The following RANBP2 variants were observed in gnomAD, a reference collection of about 807,000 sequenced individuals.
The protein encoded by RANBP2 is RAN binding protein 2, also known as E3 SUMO-protein ligase RanBP2.
A neutral mutation model predicts 303.6 loss-of-function variants in RANBP2; 57 were observed. That is an observed-to-expected ratio of 0.19 (90% CI 0.15 to 0.23). The LOEUF (loss-of-function observed/expected upper bound fraction) is 0.23. Among genes scored for constraint, RANBP2 ranks in the 10% least tolerant of loss-of-function variants. The probability of loss-of-function intolerance (pLI) is 1.00; values close to 1 mark genes in which losing one functional copy is unlikely to be tolerated. For synonymous variants in RANBP2, 1,167 were observed against 1,301.5 expected (o/e 0.90, Z 2.23); for missense variants, 3,138 against 3,780.8 (o/e 0.83, Z 4.46).
the RANBP2 span, among the ~76,000 whole-genome samples, chr2:109,511,350 A>G: frequency 1.3e-5 from 2 of 152,222 alleles, no homozygotes; most frequent in Non-Finnish European, 2.9e-5. Flanking sequence ...TGACAGCACC[A>G]GGTGGCCCAG....
At chr2:109,154,935 C>T in the RANBP2 span, among the ~76,000 whole-genome samples, 2 of 152,174 alleles carry the variant, frequency 1.3e-5, no homozygotes, top group Non-Finnish European at 2.9e-5. Context: ...TTCCAAATCA[C>T]GACTTGTCAA....
chr2:109,278,825 C>T, the RANBP2 span, among the ~76,000 whole-genome samples: 7 of 152,138 alleles, frequency 4.6e-5, no homozygotes, highest in African/African-American at 1.4e-4. Context: ...TCGGCCAAGG[C>T]AAATCGTGGG....
chr2:108,785,607 A>G lies in RANBP2; in HGVS notation c.*1706A>G, dbSNP rs1369710099. The G allele has an allele frequency of 2.6e-5, 4 of 152,366 alleles. No individual in the cohort carries two copies. The East Asian group carries it at 7.7e-4, about 29-fold the overall frequency. The allele number at this position is 152,366 out of a possible 1,614,324, so 9.4% of individuals were successfully genotyped here. On this transcript the variant is annotated 3_prime_UTR_variant, in exon 29 of 29. Coordinates refer to ENST00000283195, the MANE Select transcript of RANBP2 (RefSeq NM_006267.5). Reference sequence around the variant, plus strand: ...GTAAACTGACTTTTCCCGTATTAGTATTCCAAAGATGCTTAAAAGTGGCTT... The same window carrying G: ...GTAAACTGACTTTTCCCGTATTAGTGTTCCAAAGATGCTTAAAAGTGGCTT...
At chr2:109,646,401 C>T in the RANBP2 span, among the ~76,000 whole-genome samples, 16 of 152,150 alleles carry the variant, frequency 1.1e-4, no homozygotes, top group Admixed American at 1.0e-3. Context: ...CAGACAGGCT[C>T]TGACTGCATC....
chr2:108,988,786 C>G, the RANBP2 span, among the ~76,000 whole-genome samples: 1 of 152,202 alleles, frequency 6.6e-6, no homozygotes, highest in Non-Finnish European at 1.5e-5. Flanking sequence ...GGAACAATCT[C>G]AGGTCTTAGA....
At chr2:109,012,704 G>A in the RANBP2 span, among the ~76,000 whole-genome samples, 2 of 152,184 alleles carry the variant, frequency 1.3e-5, no homozygotes, top group Non-Finnish European at 2.9e-5. Flanking sequence ...CACGAGGTCA[G>A]GAGATCGAGA....
At chr2:109,203,347 A>G in the RANBP2 span, among the ~76,000 whole-genome samples, 2 of 152,180 alleles carry the variant, frequency 1.3e-5, no homozygotes, top group Non-Finnish European at 2.9e-5. Flanking sequence ...GGAGCTTGCT[A>G]GTCCTTATGC....
chr2:109,293,902 GAGT>G, the RANBP2 span, among the ~76,000 whole-genome samples: 4 of 152,172 alleles, frequency 2.6e-5, no homozygotes, highest in Non-Finnish European at 4.4e-5. Context: ...GCTTGTTGCC[GAGT>G]AGCCCTGACT....
the RANBP2 span, among the ~76,000 whole-genome samples, chr2:109,424,739 G>A: frequency 4.8e-4 from 73 of 152,202 alleles, 1 homozygote; most frequent in Non-Finnish European, 7.8e-4. Context: ...ATGTTCTGAC[G>A]GCTCCACGGA....
At chr2:108,986,017 T>C in the RANBP2 span, among the ~76,000 whole-genome samples, 41 of 152,312 alleles carry the variant, frequency 2.7e-4, no homozygotes, top group African/African-American at 7.7e-4. Flanking sequence ...GCTTTTTTCA[T>C]AGCTTTGACT....
At chr2:109,315,725 C>T in the RANBP2 span, among the ~76,000 whole-genome samples, 1 of 152,218 alleles carries the variant, frequency 6.6e-6, no homozygotes, top group African/African-American at 2.4e-5. Context: ...CTCTGGGGCT[C>T]TTTCATCTCA....
chr2:109,187,806 C>G, the RANBP2 span, among the ~76,000 whole-genome samples: 4 of 152,230 alleles, frequency 2.6e-5, no homozygotes, highest in Non-Finnish European at 5.9e-5. Flanking sequence ...TTCCCTCTGA[C>G]ACCATCCTCT....
chr2:108,975,986 C>T, the RANBP2 span, among the ~76,000 whole-genome samples: 16 of 152,120 alleles, frequency 1.1e-4, no homozygotes, highest in South Asian at 4.2e-4. Context: ...AGAGTGTTCC[C>T]GGGGACCCCA....
chr2:109,523,126 A>C, the RANBP2 span, among the ~76,000 whole-genome samples: 1 of 152,130 alleles, frequency 6.6e-6, no homozygotes, highest in African/African-American at 2.4e-5. Context: ...GTCAGAGTAG[A>C]TGCGGCTGAT....
At chr2:108,889,817 T>C in the RANBP2 span, among the ~76,000 whole-genome samples, 1 of 152,194 alleles carries the variant, frequency 6.6e-6, no homozygotes, top group Non-Finnish European at 1.5e-5. Context: ...TTTGTTGTCT[T>C]TTCTGGTTGT....
the RANBP2 span, chr2:109,490,896 G>A: frequency 6.6e-7 from 1 of 1,524,484 alleles, no homozygotes; most frequent in South Asian, 1.2e-5. Context: ...GCTGTCCATG[G>A]CTGCCATCCG....
the RANBP2 span, among the ~76,000 whole-genome samples, chr2:108,993,860 G>C: frequency 1.3e-5 from 2 of 152,114 alleles, no homozygotes; most frequent in Non-Finnish European, 2.9e-5. Flanking sequence ...ACAGACATTT[G>C]TTTCTCCCAG....
rs1484592979 is a variant in RANBP2 at position 108,765,358 on chromosome 2, G to A, written c.4819G>A (p.Glu1607Lys). 1 of 1,558,670 alleles carries A rather than the reference G, an allele frequency of 6.4e-7. No individual in the cohort carries two copies. The highest frequency in any genetic ancestry group is 1.4e-5 in the African/African-American group (1 of 73,334). Reference sequence around the variant, plus strand: ...ATTTGAGGGAATGTTCACTAAGAAGGAGGGACAGTGGGATTGCAGTGTGTG... The same window carrying A: ...ATTTGAGGGAATGTTCACTAAGAAGAAGGGACAGTGGGATTGCAGTGTGTG... ...SGFEGMFTKK[E>K]GQWDCSVCLV... Residue 1607 changes from glutamate (E) to lysine (K), a missense_variant, in exon 20 of 29, where the codon GAG (glutamate) becomes AAG (lysine). Around this residue, in one of 20 missense-constraint regions of RANBP2, gnomAD observed 28 missense variants for 43.2 expected, o/e 0.65. Transcript: ENST00000283195.
At chr2:108,782,101 T>A (rs772638652) in intron 26 of RANBP2, 27 bp from the exon 27 acceptor site, 1 of 1,611,952 alleles carries the variant, frequency 6.2e-7, no homozygotes, top group Admixed American at 1.7e-5. Flanking sequence ...AGCAGCAGCT[T>A]ATAGAGAATT....
Sources: allele counts gnomAD v4.1 joint callset (sites outside exome capture counted in the v4.1 genomes callset), GRCh38; gene constraint gnomAD v4.1.1; regional missense constraint gnomAD v4.1.1; transcripts MANE v1.5; gene names NCBI Gene and HGNC (gene_info 2026-07-23, HGNC 2026-07-21).